Variants in AIG1 observed in about 807,000 individuals in gnomAD.
The protein encoded by AIG1 is androgen-induced gene 1 protein.
Under a neutral mutation model 31.4 loss-of-function variants are expected in AIG1, and 23 were observed. The ratio of observed to expected loss-of-function variants is 0.73; its 90% CI spans 0.53 to 1.04. AIG1 has a LOEUF of 1.04. AIG1 is among the 50% of genes least tolerant of loss of function. The probability of loss-of-function intolerance (pLI) is 0.00; values close to 1 mark genes in which losing one functional copy is unlikely to be tolerated. For synonymous variants in AIG1, 100 were observed against 110.5 expected (o/e 0.90, Z 0.60); for missense variants, 274 against 295.0 (o/e 0.93, Z 0.52).
chr6:143,080,973 T>C (rs929121667), intron 1 of AIG1, among the ~76,000 whole-genome samples: 2 of 152,166 alleles, frequency 1.3e-5, no homozygotes, highest in Non-Finnish European at 2.9e-5. Flanking sequence ...ACAGGTTCCC[T>C]GTAATGTTTT....
chr6:143,288,936 T>A lies in AIG1; in HGVS notation c.515+4711T>A, dbSNP rs1232571561. 2.0e-5 allele frequency among the ~76,000 whole-genome samples: 3 copies of A among 152,172 alleles called. No homozygotes were observed. The highest frequency in any genetic ancestry group is 2.9e-5 in the Non-Finnish European group (2 of 68,020). ...AAAGATTTCTGTGGTTGGGAGTTGT[T>A]TGAAAGAGTTAAGCTTTGTCTAAAG... On this transcript the variant is annotated intron_variant, in intron 4 of 5. Coordinates refer to ENST00000357847, the MANE Select transcript of AIG1 (RefSeq NM_016108.4). This position sits in a 1 kb window ranked among gnomAD's most constrained non-coding sequence, Gnocchi z 4.4.
At chr6:143,061,397 C>CAACT (rs60341647) in intron 1 of AIG1, 102,221 of 438,832 alleles carry the variant, frequency 0.23, 19,656 homozygotes, top group African/African-American at 0.66. Context: ...GAAGAATCTT[C>CAACT]AACAAAAGCA....
intron 1 of AIG1, among the ~76,000 whole-genome samples, chr6:143,113,433 T>A (rs996954341): frequency 6.6e-6 from 1 of 151,546 alleles, no homozygotes; most frequent in East Asian, 2.0e-4. Context: ...TGAAACCCCA[T>A]CTCTACTAAA....
intron 3 of AIG1, chr6:143,187,275 C>T: frequency 1.1e-6 from 1 of 881,284 alleles, no homozygotes. Flanking sequence ...AAGATCTTGG[C>T]TTAAACTGAG....
At chr6:143,226,246 A>ATTTT (rs1554259707) in intron 3 of AIG1, among the ~76,000 whole-genome samples, 1 of 142,070 alleles carries the variant, frequency 7.0e-6, no homozygotes, top group South Asian at 2.2e-4. Context: ...ATATATATAT[A>ATTTT]TTTTTTTTTT....
intron 1 of AIG1, among the ~76,000 whole-genome samples, chr6:143,098,796 T>C (rs1181426171): frequency 6.6e-6 from 1 of 152,238 alleles, no homozygotes; most frequent in African/African-American, 2.4e-5. Flanking sequence ...TATGGATTAA[T>C]TGGACCTTTG....
intron 1 of AIG1, among the ~76,000 whole-genome samples, chr6:143,090,889 C>T (rs1202296624): frequency 6.6e-6 from 1 of 151,548 alleles, no homozygotes; most frequent in East Asian, 1.9e-4. Context: ...TGTTCTGTAC[C>T]GTGCAATGCT....
chr6:143,303,942 A>G lies in AIG1; in HGVS notation c.515+19717A>G, dbSNP rs901053710. Among the ~76,000 whole-genome samples the G allele has an allele frequency of 3.6e-4, 53 of 148,248 alleles. 1 individual carries two copies. Among genetic ancestry groups the G allele is most frequent in the Non-Finnish European group, 6.3e-4 (42 of 67,138 alleles). On this transcript the variant is annotated intron_variant, in intron 4 of 5. Transcript: ENST00000357847. ...AGTTCTCCTTGAAGAGGTGCTTCAC[A>G]TCCCTTGTAAATTGGATTCCTAGGT...
intron 1 of AIG1, among the ~76,000 whole-genome samples, chr6:143,081,105 C>T (rs1021766691): frequency 6.6e-6 from 1 of 152,164 alleles, no homozygotes; most frequent in Non-Finnish European, 1.5e-5. Flanking sequence ...TGGACTAAGT[C>T]CTGCTTTTTG....
chr6:143,150,399 G>T (rs1785103221), intron 2 of AIG1, among the ~76,000 whole-genome samples: 1 of 152,128 alleles, frequency 6.6e-6, no homozygotes, highest in South Asian at 2.1e-4. Context: ...GTTATATATT[G>T]AGTGCTAAGT....
intron 2 of AIG1, among the ~76,000 whole-genome samples, chr6:143,151,717 A>T (rs1785249232): frequency 6.6e-6 from 1 of 152,242 alleles, no homozygotes; most frequent in Non-Finnish European, 1.5e-5. Context: ...TCAGACAGAT[A>T]AATAATTTAT....
rs1798049749 is a variant in AIG1, at chr6:143,291,386, G to T, written c.515+7161G>T. Among the ~76,000 whole-genome samples, 1 of 152,092 alleles carries T rather than the reference G, an allele frequency of 6.6e-6. No homozygotes were observed. ...ACAGGAGCCAGGGGGTGTTAAAGAG[G>T]TCTAGCTGGAGCCAGCCAGATCCCC... On this transcript the variant is annotated intron_variant, in intron 4 of 5. Coordinates refer to ENST00000357847, the MANE Select transcript of AIG1 (RefSeq NM_016108.4). The surrounding 1 kb of genome is among the most constrained non-coding windows in gnomAD (Gnocchi z 4.2).
At chr6:143,311,937 A>G (rs1480702675) in intron 4 of AIG1, among the ~76,000 whole-genome samples, 1 of 152,064 alleles carries the variant, frequency 6.6e-6, no homozygotes, top group African/African-American at 2.4e-5. Flanking sequence ...TGAAAAAGAA[A>G]TCAAAAAGTA....
intron 1 of AIG1, among the ~76,000 whole-genome samples, chr6:143,115,227 G>A (rs1007275057): frequency 2.0e-5 from 3 of 152,160 alleles, no homozygotes; most frequent in African/African-American, 7.2e-5. Flanking sequence ...AGAATGATTG[G>A]TCAAAATGTA....
chr6:143,158,010 G>A (rs1469635018), intron 2 of AIG1, among the ~76,000 whole-genome samples: 1 of 152,144 alleles, frequency 6.6e-6, no homozygotes, highest in Non-Finnish European at 1.5e-5. Context: ...ATGGAGCTAG[G>A]GCAGCTTGAA....
Position 143,338,556 on chromosome 6 carries a change from AC to A in AIG1, c.680-1080del. The A allele has an allele frequency of 1.3e-5, 2 of 152,088 alleles. No homozygotes were observed. Among genetic ancestry groups the A allele is most frequent in the Non-Finnish European group, 2.9e-5 (2 of 68,078 alleles). The allele number at this position is 152,088 out of a possible 1,614,324, so 9.4% of individuals were successfully genotyped here. A position where few individuals can be genotyped will look rare whatever the true frequency, so the allele number is the denominator to read the frequency against. On this transcript the variant is annotated intron_variant, in intron 5 of 5. Coordinates refer to ENST00000357847, the MANE Select transcript of AIG1 (RefSeq NM_016108.4). The surrounding 1 kb of genome is among the most constrained non-coding windows in gnomAD (Gnocchi z 4.3). ...TCCTATTGTAAGCCCTAACATTATG[AC>A]CCTCTGGGGTTAAATTTTATAATTT...
At chr6:143,138,996 T>C (rs1384252188) in intron 2 of AIG1, among the ~76,000 whole-genome samples, 2 of 152,134 alleles carry the variant, frequency 1.3e-5, no homozygotes, top group African/African-American at 2.4e-5. Flanking sequence ...GGGAAAATTT[T>C]GACTTATGTT....
chr6:143,245,148 G>C (rs1292136518), intron 3 of AIG1, among the ~76,000 whole-genome samples: 1 of 152,158 alleles, frequency 6.6e-6, no homozygotes, highest in Non-Finnish European at 1.5e-5. Flanking sequence ...CATTACCCAA[G>C]TTAATATTAT....
rs1159772250 is a variant in AIG1, at chr6:143,291,953, G to T, written c.515+7728G>T. On this transcript the variant is annotated intron_variant, in intron 4 of 5. Coordinates refer to ENST00000357847, the MANE Select transcript of AIG1 (RefSeq NM_016108.4). This position sits in a 1 kb window ranked among gnomAD's most constrained non-coding sequence, Gnocchi z 4.2. The stretch of plus-strand genomic sequence containing the variant: ...TTGGCCAATGTGTTAAGAGTGGATT[G>T]AAGGCAAGGGTAGAACAAGGAGAAG... Among the ~76,000 whole-genome samples the T allele has an allele frequency of 6.6e-6, 1 of 152,192 alleles. No homozygotes were observed. Among genetic ancestry groups the T allele is most frequent in the East Asian group, 1.9e-4 (1 of 5,200 alleles).
Sources: gnomAD v4.1 joint callset for allele counts (sites outside exome capture counted in the v4.1 genomes callset) on GRCh38, gnomAD v4.1.1 for gene constraint, Gnocchi (gnomAD v3.1) non-coding constraint, MANE v1.5 for transcripts, NCBI Gene and HGNC (gene_info 2026-07-23, HGNC 2026-07-21) for gene names.